LPP: variants seen among roughly 807,000 people sequenced by gnomAD.
LPP encodes LIM domain containing preferred translocation partner in lipoma.
A neutral mutation model predicts 60.4 loss-of-function variants in LPP; 38 were observed. The ratio of observed to expected loss-of-function variants is 0.63; its 90% CI spans 0.49 to 0.83. The LOEUF (loss-of-function observed/expected upper bound fraction) is 0.83, where lower values mean the gene tolerates loss of function less well. Ranked by LOEUF, LPP falls within the 40% of genes least tolerant of loss-of-function variation. The pLI is 0.00. For missense variants in LPP, 902 were observed against 783.6 expected, an observed-to-expected ratio of 1.15 and a Z score of -1.80; for synonymous variants, 328 against 290.8, an observed-to-expected ratio of 1.13 and a Z score of -1.30.
At chr3:188,249,528 T>A (rs1311200835) in intron 2 of LPP, among the ~76,000 whole-genome samples, 1 of 152,076 alleles carries the variant, frequency 6.6e-6, no homozygotes, top group African/African-American at 2.4e-5. Context: ...GAAATAAATA[T>A]ATATATATGT....
intron 7 of LPP, among the ~76,000 whole-genome samples, chr3:188,615,327 A>C (rs1359675461): frequency 1.3e-5 from 2 of 152,144 alleles, no homozygotes; most frequent in African/African-American, 4.8e-5. Flanking sequence ...ACACATCTAA[A>C]AGTGACCCAT....
intron 4 of LPP, among the ~76,000 whole-genome samples, chr3:188,484,097 G>A (rs1489851273): frequency 1.3e-5 from 2 of 151,978 alleles, no homozygotes; most frequent in Non-Finnish European, 2.9e-5. Context: ...TCTCTACCAA[G>A]GATGGACGTA....
chr3:188,560,291 C>T (rs191896501), intron 6 of LPP, among the ~76,000 whole-genome samples: 21 of 152,002 alleles, frequency 1.4e-4, no homozygotes, highest in African/African-American at 4.3e-4. Flanking sequence ...ACCAAGGAGT[C>T]GTCTATGCAC....
intron 3 of LPP, among the ~76,000 whole-genome samples, chr3:188,361,622 A>G (rs1769425569): frequency 1.4e-5 from 2 of 139,684 alleles, no homozygotes; most frequent in Non-Finnish European, 3.0e-5. Flanking sequence ...GCTACAGTGC[A>G]GTGGCACAAT....
intron 7 of LPP, among the ~76,000 whole-genome samples, chr3:188,634,615 T>C (rs916846388): frequency 3.9e-5 from 6 of 152,182 alleles, no homozygotes; most frequent in South Asian, 2.1e-4. Context: ...TGCAGCGGTA[T>C]TGGATTCTCA....
chr3:188,279,939 C>T (rs1741334257), intron 2 of LPP, among the ~76,000 whole-genome samples: 1 of 152,190 alleles, frequency 6.6e-6, no homozygotes, highest in South Asian at 2.1e-4. Context: ...CAGCAAATGG[C>T]TCCTCTTTCC....
At chr3:188,162,615 C>T (rs954548492) in intron 1 of LPP, among the ~76,000 whole-genome samples, 1 of 152,068 alleles carries the variant, frequency 6.6e-6, no homozygotes, top group East Asian at 1.9e-4. Context: ...TATGTTTGGG[C>T]TAACCACAAG....
At chr3:188,272,803 A>G (rs1241723705) in intron 2 of LPP, among the ~76,000 whole-genome samples, 1 of 152,242 alleles carries the variant, frequency 6.6e-6, no homozygotes, top group Admixed American at 6.5e-5. Flanking sequence ...AAAGACCATT[A>G]TATAAACAGT....
At chr3:188,798,916 C>G (rs1219994586) in intron 9 of LPP, among the ~76,000 whole-genome samples, 1 of 152,228 alleles carries the variant, frequency 6.6e-6, no homozygotes, top group Non-Finnish European at 1.5e-5. Flanking sequence ...TCTTAAAATA[C>G]AGCTGCAGTG....
chr3:188,565,948 G>A (rs751681796), intron 6 of LPP, among the ~76,000 whole-genome samples: 5 of 151,926 alleles, frequency 3.3e-5, no homozygotes, highest in Non-Finnish European at 5.9e-5. Context: ...GTGTGGGTAG[G>A]AGATTGCACA....
Position 188,872,624 on chromosome 3 carries a change from A to G in LPP, c.1590-19A>G. 1 of 1,613,632 alleles carries G rather than the reference A, an allele frequency of 6.2e-7. No individual in the cohort carries two copies. The highest frequency in any genetic ancestry group is 8.5e-7 in the Non-Finnish European group (1 of 1,179,868). On this transcript the variant is annotated intron_variant, in intron 10 of 11. Transcript: ENST00000617246. Reference sequence around the variant, plus strand: ...TGTCGACGCGCAGTATCTAACCAGAACTCTCTCTTCACTTTCAGGAAATTT... The same window carrying G: ...TGTCGACGCGCAGTATCTAACCAGAGCTCTCTCTTCACTTTCAGGAAATTT...
At chr3:188,715,322 G>A (rs1446009810) in intron 8 of LPP, among the ~76,000 whole-genome samples, 1 of 134,438 alleles carries the variant, frequency 7.4e-6, no homozygotes, top group Non-Finnish European at 1.5e-5. Flanking sequence ...AGGTTACAGT[G>A]AGCCAAGATC....
intron 2 of LPP, among the ~76,000 whole-genome samples, chr3:188,299,431 C>A (rs890683978): frequency 1.6e-4 from 25 of 152,180 alleles, no homozygotes; most frequent in African/African-American, 5.8e-4. Context: ...CTCAGCATTA[C>A]GTCGTCTTAA....
chr3:188,849,839 T>C (rs2151841935), intron 9 of LPP, among the ~76,000 whole-genome samples: 1 of 152,326 alleles, frequency 6.6e-6, no homozygotes, highest in East Asian at 1.9e-4. Flanking sequence ...CCAGTTTCCT[T>C]CTTTCTCCTC....
At chr3:188,435,524 A>G (rs1240851710) in intron 4 of LPP, among the ~76,000 whole-genome samples, 1 of 152,102 alleles carries the variant, frequency 6.6e-6, no homozygotes, top group Non-Finnish European at 1.5e-5. Flanking sequence ...GGGGAGGGGG[A>G]AAGTAAATAA....
intron 7 of LPP, among the ~76,000 whole-genome samples, chr3:188,660,086 A>C (rs572120941): frequency 1.1e-4 from 17 of 151,922 alleles, no homozygotes; most frequent in Non-Finnish European, 2.4e-4. Flanking sequence ...TTAAATTCTC[A>C]TTTGCTTTTT....
intron 7 of LPP, among the ~76,000 whole-genome samples, chr3:188,617,712 T>C (rs538690176): frequency 6.6e-6 from 1 of 152,348 alleles, no homozygotes; most frequent in African/African-American, 2.4e-5. Context: ...ATAGATTTGG[T>C]TGTTTAAAAA....
At chr3:188,328,095 A>C (rs956782745) in intron 2 of LPP, among the ~76,000 whole-genome samples, 1 of 152,144 alleles carries the variant, frequency 6.6e-6, no homozygotes, top group Non-Finnish European at 1.5e-5. Flanking sequence ...GAAGGATAAA[A>C]AGTAATTGTG....
intron 3 of LPP, 87 bp from the exon 4 acceptor site, chr3:188,406,025 A>G: frequency 2.6e-6 from 3 of 1,166,674 alleles, no homozygotes; most frequent in Non-Finnish European, 2.4e-6. Flanking sequence ...TGCATTTAGT[A>G]TGGATTAAGG....
Sources: gnomAD v4.1 joint callset for allele counts (sites outside exome capture counted in the v4.1 genomes callset) on GRCh38, gnomAD v4.1.1 for gene constraint, MANE v1.5 for transcripts, NCBI Gene and HGNC (gene_info 2026-07-23, HGNC 2026-07-21) for gene names.